Variants in CTNND2 observed in about 807,000 individuals in gnomAD.
CTNND2 encodes catenin delta-2.
In CTNND2, 22 loss-of-function variants were observed where a neutral mutation model predicts 144.4. The observed-to-expected ratio is 0.15, with a 90% CI of 0.11 to 0.22. CTNND2 has a LOEUF of 0.22. CTNND2 is among the 10% of genes least tolerant of loss of function. The probability of loss-of-function intolerance (pLI) is 1.00; values close to 1 mark genes in which losing one functional copy is unlikely to be tolerated. For missense variants in CTNND2, 1,353 were observed against 1,618.8 expected, an observed-to-expected ratio of 0.84 and a Z score of 2.82; for synonymous variants, 751 against 695.6, an observed-to-expected ratio of 1.08 and a Z score of -1.25.
chr5:11,186,128 A>G (rs1445366046), intron 11 of CTNND2, among the ~76,000 whole-genome samples: 1 of 152,228 alleles, frequency 6.6e-6, no homozygotes, highest in African/African-American at 2.4e-5. Flanking sequence ...ATAAGCACAG[A>G]TACATCTCAC....
At chr5:11,695,964 T>A (rs1384523324) in intron 2 of CTNND2, among the ~76,000 whole-genome samples, 1 of 152,250 alleles carries the variant, frequency 6.6e-6, no homozygotes, top group Non-Finnish European at 1.5e-5. Flanking sequence ...AATGGATGAA[T>A]TATTTAAACA....
intron 10 of CTNND2, among the ~76,000 whole-genome samples, chr5:11,217,294 T>C (rs746674704): frequency 5.3e-5 from 8 of 152,218 alleles, no homozygotes; most frequent in Non-Finnish European, 1.2e-4. Context: ...CCTGGTCAAC[T>C]GGGAAGATGT....
chr5:11,888,833 G>A lies in CTNND2; in HGVS notation c.37+14984C>T, dbSNP rs1382037590. On this transcript the variant is annotated intron_variant, in intron 1 of 21. Transcript: ENST00000304623. ...ACAATCTCAGCTCACTGCAACCTCC[G>A]CCTCCCAGTCCCAGTTCAAGCAATT... Among the ~76,000 whole-genome samples, 8 of 147,684 alleles carry A rather than the reference G, an allele frequency of 5.4e-5. No individual in the cohort carries two copies. The East Asian group carries it at 1.0e-3, about 19-fold the overall frequency.
rs16901381 is a variant in CTNND2, at chr5:11,184,399, C to A, written c.1975+15049G>T. Reference sequence around the variant, plus strand: ...TAAATTTGTGAACAGAGCAGGTATGCCACTTGAAAACAGAATTGCACTTAT... The same window carrying A: ...TAAATTTGTGAACAGAGCAGGTATGACACTTGAAAACAGAATTGCACTTAT... On this transcript the variant is annotated intron_variant, in intron 11 of 21. Transcript: ENST00000304623. 9.2e-3 allele frequency among the ~76,000 whole-genome samples: 1,403 copies of A among 152,154 alleles called. 21 individuals carry two copies. The highest frequency in any genetic ancestry group is 0.064 in the South Asian group (308 of 4,814).
chr5:11,841,519 T>G (rs1794471726), intron 1 of CTNND2, among the ~76,000 whole-genome samples: 1 of 152,178 alleles, frequency 6.6e-6, no homozygotes. Flanking sequence ...TTATGGAACT[T>G]TTATTTAGAT....
At chr5:11,714,907 C>A (rs1014437439) in intron 2 of CTNND2, among the ~76,000 whole-genome samples, 1 of 146,208 alleles carries the variant, frequency 6.8e-6, no homozygotes, top group Admixed American at 6.8e-5. Flanking sequence ...AGCAATATTC[C>A]GTCTCAAAAA....
chr5:11,221,589 C>T (rs27521), intron 10 of CTNND2, among the ~76,000 whole-genome samples: 78,332 of 152,068 alleles, frequency 0.52, 20,434 homozygotes, highest in East Asian at 0.74. Flanking sequence ...TAGGAGATGA[C>T]GGCGCCTTAT....
At chr5:11,714,526 G>A (rs1393252148) in intron 2 of CTNND2, among the ~76,000 whole-genome samples, 2 of 152,122 alleles carry the variant, frequency 1.3e-5, no homozygotes, top group East Asian at 3.9e-4. Context: ...TTAATAGTCT[G>A]TGACCCAGAA....
At chr5:11,657,671 G>A (rs1782986723) in intron 2 of CTNND2, among the ~76,000 whole-genome samples, 1 of 152,094 alleles carries the variant, frequency 6.6e-6, no homozygotes, top group South Asian at 2.1e-4. Context: ...TTTCAGATTA[G>A]TATGCTATTT....
chr5:11,866,992 A>C (rs1335375701), intron 1 of CTNND2, among the ~76,000 whole-genome samples: 3 of 152,244 alleles, frequency 2.0e-5, no homozygotes, highest in Non-Finnish European at 2.9e-5. Flanking sequence ...CAAATGCATG[A>C]TGTGGCATTA....
intron 1 of CTNND2, among the ~76,000 whole-genome samples, chr5:11,887,536 T>C (rs1012847612): frequency 6.6e-6 from 1 of 152,158 alleles, no homozygotes; most frequent in African/African-American, 2.4e-5. Flanking sequence ...TGTTAAAAAT[T>C]AGGTTGTAAA....
At chr5:11,775,612 T>C (rs1194148704) in intron 1 of CTNND2, among the ~76,000 whole-genome samples, 1 of 152,196 alleles carries the variant, frequency 6.6e-6, no homozygotes, top group Non-Finnish European at 1.5e-5. Context: ...CTCCTTCCCC[T>C]TCCTACAGAA....
intron 1 of CTNND2, among the ~76,000 whole-genome samples, chr5:11,810,297 T>G (rs2126906845): frequency 6.6e-6 from 1 of 152,300 alleles, no homozygotes; most frequent in South Asian, 2.1e-4. Context: ...TAACAATGCC[T>G]GTGACACAGA....
intron 2 of CTNND2, chr5:11,589,150 GCATTATTTATGCAA>G: frequency 4.2e-6 from 2 of 480,318 alleles, no homozygotes; most frequent in Non-Finnish European, 5.4e-6. Context: ...ACCCCCATTG[GCATTATTTATGCAA>G]CATTTCATCA....
chr5:11,090,344 T>A (rs1750637262), intron 15 of CTNND2, among the ~76,000 whole-genome samples: 1 of 152,226 alleles, frequency 6.6e-6, no homozygotes. Context: ...GTTTTACAAG[T>A]GCTCTCAGTG....
intron 11 of CTNND2, among the ~76,000 whole-genome samples, chr5:11,187,942 TCAAGAAACAACAGATG>T (rs1381386306): frequency 6.6e-6 from 1 of 152,036 alleles, no homozygotes; most frequent in African/African-American, 2.4e-5. Context: ...TATTAAAAAG[TCAAGAAACAACAGATG>T]CTGGCGAGGC....
chr5:11,396,160 T>A (rs538431807), intron 6 of CTNND2, among the ~76,000 whole-genome samples: 1 of 152,138 alleles, frequency 6.6e-6, no homozygotes, highest in African/African-American at 2.4e-5. Context: ...AAACGTGGTG[T>A]GGGGCTTGCA....
At chr5:11,303,688 A>G (rs561664535) in intron 9 of CTNND2, among the ~76,000 whole-genome samples, 2 of 152,262 alleles carry the variant, frequency 1.3e-5, no homozygotes, top group East Asian at 1.9e-4. Context: ...ATGAGGAGGA[A>G]GTATGTGGTA....
At chr5:11,722,482 A>G (rs961391128) in intron 2 of CTNND2, among the ~76,000 whole-genome samples, 4 of 152,260 alleles carry the variant, frequency 2.6e-5, no homozygotes, top group African/African-American at 4.8e-5. Context: ...ACAACACTGT[A>G]TAAGTCCATT....
Sources: allele counts gnomAD v4.1 joint callset (sites outside exome capture counted in the v4.1 genomes callset), GRCh38; gene constraint gnomAD v4.1.1; transcripts MANE v1.5; gene names NCBI Gene and HGNC (gene_info 2026-07-23, HGNC 2026-07-21).